The following RIPOR2 variants were observed in gnomAD, a reference collection of about 807,000 sequenced individuals.
RIPOR2 encodes the protein RHO family interacting cell polarization regulator 2, also known as rho family-interacting cell polarization regulator 2.
Under a neutral mutation model 114.5 loss-of-function variants are expected in RIPOR2, and 39 were observed. The observed-to-expected ratio is 0.34, with a 90% CI of 0.26 to 0.44. The LOEUF is 0.44. RIPOR2 is among the 20% of genes least tolerant of loss of function. The pLI, the probability that RIPOR2 is intolerant of heterozygous loss-of-function variation, is 1.00. For synonymous variants in RIPOR2, 445 were observed against 484.4 expected, an observed-to-expected ratio of 0.92 and a Z score of 1.07; for missense variants, 1,007 against 1,255.1, an observed-to-expected ratio of 0.80 and a Z score of 2.99.
At chr6:24,898,523 T>C (rs751055419) in intron 1 of RIPOR2, 1 of 152,208 alleles carries the variant, frequency 6.6e-6, no homozygotes, top group Non-Finnish European at 1.5e-5. Flanking sequence ...CTTTTTCTCT[T>C]TGTGAAATTT....
intron 1 of RIPOR2, among the ~76,000 whole-genome samples, chr6:24,970,895 A>AC (rs1773761501): frequency 6.6e-6 from 1 of 151,922 alleles, no homozygotes; most frequent in African/African-American, 2.4e-5. Context: ...CATTGCACAA[A>AC]TTTTTTTAAC....
In RIPOR2 at chr6:24,941,520, T is replaced by C. The variant is rs572504910; in HGVS notation, c.77-65703A>G. On this transcript the variant is annotated intron_variant, in intron 1 of 13. Coordinates refer to the RIPOR2 transcript ENST00000510784. ...AAATGGAATAATAATAATCAATTAC[T>C]GAGTTAAGGGACAGTTCAGCCCTTT... is the stretch of plus-strand genomic sequence containing the variant. Among the ~76,000 whole-genome samples the C allele has an allele frequency of 3.3e-5, 5 of 152,350 alleles. No individual in the cohort carries two copies. The South Asian group carries it at 1.0e-3, about 32-fold the overall frequency.
intron 1 of RIPOR2, among the ~76,000 whole-genome samples, chr6:24,943,438 G>A (rs1626145): frequency 0.17 from 26,388 of 151,902 alleles, 2,466 homozygotes; most frequent in East Asian, 0.34. Flanking sequence ...ACATGCATAC[G>A]TATGTGACTA....
chr6:24,912,881 GTTAGGTACT>G (rs992720282), intron 1 of RIPOR2, among the ~76,000 whole-genome samples: 2 of 152,172 alleles, frequency 1.3e-5, no homozygotes, highest in African/African-American at 4.8e-5. Context: ...GGCAGATGAT[GTTAGGTACT>G]TTATAGATAT....
Position 24,843,006 on chromosome 6 carries a change from T to C in RIPOR2, c.1713A>G (p.Glu571=). 6.3e-7 allele frequency: 1 copy of C among 1,595,096 alleles called. No homozygotes were observed. The highest frequency in any genetic ancestry group is 1.7e-4 in the Middle Eastern group (1 of 5,926). Residue 571 remains glutamate, a synonymous_variant, in exon 13 of 22, where the codon GAA becomes GAG. Coordinates refer to ENST00000643898, the MANE Select transcript of RIPOR2 (RefSeq NM_001286445.3). ...RLLSEGSVGG[E]SEGCRSFLDG... is the part of the protein sequence containing the mutation. ...CTAGAAAGGATCTGCAGCCTTCAGA[T>C]TCTCCACCAACAGAACCCTCAGAGA...
upstream of RIPOR2, among the ~76,000 whole-genome samples, chr6:24,939,321 G>C (rs963017210): frequency 6.6e-6 from 1 of 152,172 alleles, no homozygotes; most frequent in Non-Finnish European, 1.5e-5. Flanking sequence ...GAAGTGACTA[G>C]ACAAAGGAGG....
upstream of RIPOR2, among the ~76,000 whole-genome samples, chr6:24,939,939 T>C (rs1037451897): frequency 6.6e-6 from 1 of 152,210 alleles, no homozygotes; most frequent in Non-Finnish European, 1.5e-5. Context: ...TGGTGCCCAC[T>C]TTATGCCATA....
chr6:24,872,811 C>G, intron 4 of RIPOR2, 70 bp downstream of exon 4: 1 of 1,016,914 alleles, frequency 9.8e-7, no homozygotes, highest in Non-Finnish European at 1.5e-6. Context: ...CTCCCCAGCC[C>G]CATCCAGTAA....
chr6:25,018,550 T>C (rs911813528), intron 1 of RIPOR2, among the ~76,000 whole-genome samples: 4 of 152,328 alleles, frequency 2.6e-5, no homozygotes, highest in Admixed American at 6.5e-5. Flanking sequence ...ACAAACACAA[T>C]GTATTTATTT....
chr6:25,000,400 GTGCAC>G (rs1775251565), intron 1 of RIPOR2, among the ~76,000 whole-genome samples: 1 of 152,128 alleles, frequency 6.6e-6, no homozygotes, highest in South Asian at 2.1e-4. Context: ...AGTGTATCCT[GTGCAC>G]TGTTGTATCT....
chr6:24,876,961 G>A, intron 1 of RIPOR2: 1 of 985,136 alleles, frequency 1.0e-6, no homozygotes, highest in Non-Finnish European at 1.2e-6. Flanking sequence ...CATTGTCTTA[G>A]CAGGTGACTT....
At position 24,835,835 on chromosome 6, in the gene RIPOR2, G is replaced by GA. The variant is rs1761064289; in HGVS notation, c.2075dup (p.Ser693GlnfsTer2). ...CTGTGTCTTCAGTGAGCGCTTCACT[G>GA]AGATGCCCCCTGGCTTCTGGGTGAA... On this transcript the variant is annotated frameshift_variant, in exon 15 of 22. Coordinates refer to ENST00000643898, the MANE Select transcript of RIPOR2 (RefSeq NM_001286445.3). LOFTEE classifies it high-confidence loss of function. The GA allele has an allele frequency of 6.4e-7, 1 of 1,551,506 alleles. No individual in the cohort carries two copies. Among genetic ancestry groups the GA allele is most frequent in the African/African-American group, 1.4e-5 (1 of 73,012 alleles).
chr6:24,976,854 G>A (rs1774078294), intron 1 of RIPOR2: 1 of 1,609,800 alleles, frequency 6.2e-7, no homozygotes, highest in Non-Finnish European at 8.5e-7. Context: ...TGGTTGGATG[G>A]CAAGCATGTG....
At chr6:25,006,205 G>A (rs1283050909) in intron 1 of RIPOR2, among the ~76,000 whole-genome samples, 1 of 151,986 alleles carries the variant, frequency 6.6e-6, no homozygotes, top group Non-Finnish European at 1.5e-5. Flanking sequence ...GTTTTTAAAG[G>A]ATTACTTTTC....
intron 20 of RIPOR2, among the ~76,000 whole-genome samples, chr6:24,811,666 T>C (rs1454200233): frequency 1.2e-4 from 1 of 8,536 alleles, no homozygotes; most frequent in Non-Finnish European, 7.8e-4. Context: ...ACTTTTTTTT[T>C]TTTTTTTTTC....
intron 1 of RIPOR2, among the ~76,000 whole-genome samples, chr6:24,884,237 G>A (rs1224063692): frequency 6.6e-6 from 1 of 151,782 alleles, no homozygotes. Flanking sequence ...TGAAACCCCC[G>A]CCTCTACTAA....
chr6:24,962,456 G>A (rs420634), intron 1 of RIPOR2, among the ~76,000 whole-genome samples: 120,981 of 152,194 alleles, frequency 0.79, 51,653 homozygotes, highest in East Asian at 0.96. Flanking sequence ...AGGTGCATTG[G>A]GAATGTAAAC....
intron 1 of RIPOR2, among the ~76,000 whole-genome samples, chr6:24,900,051 TGA>T (rs1768262776): frequency 6.6e-6 from 1 of 152,234 alleles, no homozygotes; most frequent in South Asian, 2.1e-4. Context: ...TGGTATCAAC[TGA>T]GAACCTCAGC....
chr6:24,875,834 A>G lies in RIPOR2; in HGVS notation c.62-17T>C, dbSNP rs751413732. On this transcript the variant is annotated splice_polypyrimidine_tract_variant and intron_variant, in intron 1 of 21. Transcript: ENST00000643898. The stretch of plus-strand genomic sequence containing the variant: ...TCGGTAGTCCTAGAAGACAGTGGAA[A>G]GATCATGACAATTTATAGGCAGGTT... The G allele has an allele frequency of 1.3e-6, 2 of 1,588,740 alleles. No individual in the cohort carries two copies. Among genetic ancestry groups the G allele is most frequent in the Non-Finnish European group, 1.7e-6 (2 of 1,166,908 alleles).
Sources: gnomAD v4.1 joint callset for allele counts (sites outside exome capture counted in the v4.1 genomes callset) on GRCh38, gnomAD v4.1.1 for gene constraint, MANE v1.5 for transcripts, NCBI Gene and HGNC (gene_info 2026-07-23, HGNC 2026-07-21) for gene names.